Variants in SOX5 observed in about 807,000 individuals in gnomAD.
SOX5 encodes the protein SRY-box transcription factor 5, also known as transcription factor SOX-5.
A neutral mutation model predicts 92.0 loss-of-function variants in SOX5; 9 were observed. The ratio of observed to expected loss-of-function variants is 0.10; its 90% CI spans 0.06 to 0.17. SOX5 has a LOEUF of 0.17. Among genes scored for constraint, SOX5 ranks in the 10% least tolerant of loss-of-function variants. SOX5 has a pLI of 1.00. For missense variants in SOX5, 642 were observed against 944.5 expected (o/e 0.68, Z 4.20); for synonymous variants, 344 against 336.3 (o/e 1.02, Z -0.25).
At position 23,713,858 on chromosome 12, in the gene SOX5, A is replaced by G. The variant is rs909826370; in HGVS notation, c.810+20826T>C. 2.6e-5 allele frequency among the ~76,000 whole-genome samples: 4 copies of G among 151,240 alleles called. No homozygotes were observed. The South Asian group carries it at 6.2e-4, about 24-fold the overall frequency. Reference sequence around the variant, plus strand: ...TGTAATCCCAGCACTTTGAGAGGCCAAAGCGGGTGGATCACTTGAAGTCAG... The same window carrying G: ...TGTAATCCCAGCACTTTGAGAGGCCGAAGCGGGTGGATCACTTGAAGTCAG... On this transcript the variant is annotated intron_variant, in intron 6 of 14. Coordinates refer to ENST00000451604, the MANE Select transcript of SOX5 (RefSeq NM_006940.6).
rs542535959 is a variant in SOX5 at position 24,153,660 on chromosome 12, G to C, written c.-2+59683C>G. ...GCACACTCCACTGAAATAATGGCAA[G>C]AGGTAACTTTACATTAGAACTAAAG... On this transcript the variant is annotated intron_variant, in intron 4 of 4. Transcript: ENST00000446891. Among the ~76,000 whole-genome samples the C allele has an allele frequency of 1.3e-4, 20 of 152,184 alleles. No individual in the cohort carries two copies. The South Asian group carries it at 3.9e-3, about 30-fold the overall frequency.
chr12:24,131,430 C>A (rs1316960777), intron 4 of SOX5, among the ~76,000 whole-genome samples: 1 of 152,048 alleles, frequency 6.6e-6, no homozygotes, highest in Non-Finnish European at 1.5e-5. Context: ...TTTTCAAAAC[C>A]CAGAATATAG....
intron 9 of SOX5, among the ~76,000 whole-genome samples, chr12:23,578,480 T>C (rs1489407374): frequency 2.6e-5 from 4 of 151,990 alleles, no homozygotes; most frequent in African/African-American, 9.7e-5. Flanking sequence ...AAAGGGGGAC[T>C]ATTGAAAAAG....
chr12:24,080,125 T>A (rs535003839), intron 4 of SOX5, among the ~76,000 whole-genome samples: 2 of 152,040 alleles, frequency 1.3e-5, no homozygotes, highest in South Asian at 4.1e-4. Flanking sequence ...TTTAGCAAAA[T>A]TGTATAAAGT....
intron 4 of SOX5, among the ~76,000 whole-genome samples, chr12:24,095,144 GAGAGAGAGAGAGACAGAGAC>G (rs1945226552): frequency 1.3e-5 from 2 of 150,234 alleles, no homozygotes; most frequent in Admixed American, 6.7e-5. Context: ...GAGAGAGAGA[GAGAGAGAGAGAGACAGAGAC>G]AGAGAGACAG....
chr12:24,423,452 G>A (rs1171558008), intron 1 of SOX5, among the ~76,000 whole-genome samples: 1 of 152,214 alleles, frequency 6.6e-6, no homozygotes, highest in Non-Finnish European at 1.5e-5. Flanking sequence ...CGTCCATTGT[G>A]AGATTTCAAT....
chr12:24,140,914 C>T (rs1322844504), intron 4 of SOX5, among the ~76,000 whole-genome samples: 1 of 152,106 alleles, frequency 6.6e-6, no homozygotes, highest in African/African-American at 2.4e-5. Flanking sequence ...AAGAAATACC[C>T]TAACACTCCA....
chr12:23,835,242 C>T (rs1278240440), intron 3 of SOX5, among the ~76,000 whole-genome samples: 1 of 151,556 alleles, frequency 6.6e-6, no homozygotes. Context: ...AACACTATTT[C>T]TAAAATATAA....
At chr12:24,297,140 T>C (rs530691361) in intron 2 of SOX5, among the ~76,000 whole-genome samples, 41 of 152,232 alleles carry the variant, frequency 2.7e-4, no homozygotes, top group Non-Finnish European at 1.5e-4. Context: ...TTCTTAATCA[T>C]CTGCTTAAAT....
At chr12:23,755,094 G>C (rs1483558708) in intron 4 of SOX5, among the ~76,000 whole-genome samples, 1 of 151,608 alleles carries the variant, frequency 6.6e-6, no homozygotes, top group Non-Finnish European at 1.5e-5. Context: ...TTATTAGTAG[G>C]AGTTTATTAA....
intron 4 of SOX5, among the ~76,000 whole-genome samples, chr12:24,101,419 T>G (rs1946078063): frequency 6.6e-6 from 1 of 152,148 alleles, no homozygotes. Flanking sequence ...TGCCTCCTCT[T>G]TATTTCCTTC....
intron 3 of SOX5, among the ~76,000 whole-genome samples, chr12:23,770,481 A>G (rs191811665): frequency 6.6e-6 from 1 of 152,320 alleles, no homozygotes; most frequent in East Asian, 1.9e-4. Flanking sequence ...TGTAAGGTGG[A>G]ATCAAGGAGG....
At chr12:24,064,088 G>A (rs1224963856) in intron 4 of SOX5, among the ~76,000 whole-genome samples, 2 of 152,078 alleles carry the variant, frequency 1.3e-5, no homozygotes, top group African/African-American at 4.8e-5. Flanking sequence ...TGCTTAACAC[G>A]GGACCTAAAA....
chr12:24,432,645 C>G (rs1413651340), intron 1 of SOX5, among the ~76,000 whole-genome samples: 1 of 152,118 alleles, frequency 6.6e-6, no homozygotes, highest in Non-Finnish European at 1.5e-5. Context: ...AACCCTGTCT[C>G]TACTAAAAAT....
chr12:23,837,997 T>C (rs1437868087), intron 3 of SOX5, among the ~76,000 whole-genome samples: 1 of 125,610 alleles, frequency 8.0e-6, no homozygotes, highest in South Asian at 2.3e-4. Flanking sequence ...ATTTATATAA[T>C]GTACATTTAT....
intron 2 of SOX5, among the ~76,000 whole-genome samples, chr12:23,872,058 CG>C (rs2096878932): frequency 6.7e-6 from 1 of 149,686 alleles, no homozygotes; most frequent in African/African-American, 2.5e-5. Flanking sequence ...AGTGCAGTGG[CG>C]CCATCTCAGC....
chr12:23,812,062 A>C (rs1272506770), intron 3 of SOX5, among the ~76,000 whole-genome samples: 2 of 152,094 alleles, frequency 1.3e-5, no homozygotes, highest in African/African-American at 4.8e-5. Flanking sequence ...AGTAATTTGC[A>C]ATAATATTGG....
chr12:24,149,800 A>C (rs1410612406), intron 4 of SOX5, among the ~76,000 whole-genome samples: 1 of 152,202 alleles, frequency 6.6e-6, no homozygotes, highest in East Asian at 1.9e-4. Context: ...CTGATGAACA[A>C]ACAAATACAT....
chr12:23,948,446 T>G (rs973021738), intron 1 of SOX5, among the ~76,000 whole-genome samples: 3 of 152,116 alleles, frequency 2.0e-5, no homozygotes, highest in South Asian at 2.1e-4. Context: ...TTCAGTCGTT[T>G]GAGCGATGAA....
Sources: allele counts gnomAD v4.1 joint callset (sites outside exome capture counted in the v4.1 genomes callset), GRCh38; gene constraint gnomAD v4.1.1; transcripts MANE v1.5; gene names NCBI Gene and HGNC (gene_info 2026-07-23, HGNC 2026-07-21).